The following RHBDF1 variants were observed in gnomAD, a reference collection of about 807,000 sequenced individuals.
RHBDF1 encodes the protein inactive rhomboid protein 1.
RHBDF1 carries 80 observed loss-of-function variants against 98.6 expected under a neutral mutation model. That is an observed-to-expected ratio of 0.81 (90% confidence interval 0.68 to 0.98). The LOEUF (loss-of-function observed/expected upper bound fraction) is 0.98, where lower values mean the gene tolerates loss of function less well. Among genes scored for constraint, RHBDF1 ranks in the 50% least tolerant of loss-of-function variants. The probability of loss-of-function intolerance (pLI) is 0.00; values close to 1 mark genes in which losing one functional copy is unlikely to be tolerated. For missense variants in RHBDF1, 1,116 were observed against 1,198.3 expected (o/e 0.93, Z 1.01); for synonymous variants, 512 against 486.8 (o/e 1.05, Z -0.68).
At position 58,332 on chromosome 16, in the gene RHBDF1, C is replaced by T. The variant is rs1897461207; in HGVS notation, c.*8G>A. 2 of 1,605,174 alleles carry T rather than the reference C, an allele frequency of 1.2e-6. No individual in the cohort carries two copies. Among genetic ancestry groups the T allele is most frequent in the East Asian group, 2.2e-5 (1 of 44,720 alleles). ...TGGAGCACACGGCCGCTGGAGCCCG[C>T]AGCCAGCTCAGTGGAGCTGAGCGTC... On this transcript the variant is annotated 3_prime_UTR_variant, in exon 18 of 18. Transcript: ENST00000262316.
At position 62,830 on chromosome 16, in the gene RHBDF1, A is replaced by G; in HGVS notation, c.740T>C (p.Leu247Pro). 1.9e-6 allele frequency: 3 copies of G among 1,614,058 alleles called. No homozygotes were observed. Reference protein sequence around the residue: ...QRRSFTPASFLEEDTTDFPDE... With the variant: ...QRRSFTPASFPEEDTTDFPDE... ...GGGGAAATCAGTTGTGTCCTCCTCC[A>G]GAAAGCTAGCTGGAGTGAAGCTTCG... The change falls in exon 6 of 18, where the codon CTG becomes CCG. Residue 247 changes from leucine to proline, a missense_variant. Physicochemically the swap from Leu to Pro is moderately conservative, Grantham distance 98 (BLOSUM62 -3). Coordinates refer to ENST00000262316, the MANE Select transcript of RHBDF1 (RefSeq NM_022450.5).
At chr16:61,037 G>T in intron 11 of RHBDF1, 83 bp downstream of exon 11, 1 of 1,421,384 alleles carries the variant, frequency 7.0e-7, no homozygotes, top group Non-Finnish European at 9.4e-7. Flanking sequence ...CGAGGGCGAA[G>T]GATCACTCTG....
intron 1 of RHBDF1, among the ~76,000 whole-genome samples, chr16:69,630 T>C (rs1897919392): frequency 6.6e-6 from 1 of 151,986 alleles, no homozygotes. Flanking sequence ...CTCCAGGTCT[T>C]CTGGATTAAT....
At chr16:66,410 A>C (rs1897831264) in intron 1 of RHBDF1, among the ~76,000 whole-genome samples, 1 of 152,116 alleles carries the variant, frequency 6.6e-6, no homozygotes, top group Non-Finnish European at 1.5e-5. Flanking sequence ...GGGCAGCACA[A>C]TTAGAGACAG....
Position 64,967 on chromosome 16 carries a change from G to T in RHBDF1, c.49C>A (p.Pro17Thr). ...GGAATGTCCAGCTTTAGCCAGGGTG[G>T]CTTCTTGCGCTGCAGGCTGCTCGTG... ...DSTSSLQRKK[P>T]PWLKLDIPSA... The change falls in exon 2 of 18, where the codon CCA (proline) becomes ACA (threonine). Residue 17 changes from proline to threonine, a missense_variant. Pro to Thr is a conservative substitution (Grantham distance 38, BLOSUM62 -1). Coordinates refer to ENST00000262316, the MANE Select transcript of RHBDF1 (RefSeq NM_022450.5). 6.4e-7 allele frequency: 1 copy of T among 1,559,636 alleles called. No homozygotes were observed. Among genetic ancestry groups the T allele is most frequent in the Non-Finnish European group, 8.7e-7 (1 of 1,149,740 alleles).
In RHBDF1 at chr16:70,970, C is replaced by T. The variant is rs1300928210; in HGVS notation, c.-25+1543G>A. ...CACTGGGCAAAATGTGATCCTGGCACAGACACTGAGGTGGGGGAACTGGAG... is the reference window on the plus strand; with the variant it reads ...CACTGGGCAAAATGTGATCCTGGCATAGACACTGAGGTGGGGGAACTGGAG... On this transcript the variant is annotated intron_variant, in intron 1 of 17. Coordinates refer to ENST00000262316, the MANE Select transcript of RHBDF1 (RefSeq NM_022450.5). Among the ~76,000 whole-genome samples the T allele has an allele frequency of 2.6e-5, 4 of 152,250 alleles. No individual in the cohort carries two copies. The East Asian group carries it at 7.7e-4, about 29-fold the overall frequency.
chr16:75,162 C>T (rs1398357342), upstream of RHBDF1, among the ~76,000 whole-genome samples: 1 of 152,194 alleles, frequency 6.6e-6, no homozygotes, highest in African/African-American at 2.4e-5. Flanking sequence ...CCTCTCTTCC[C>T]GCGTCATGCA....
intron 14 of RHBDF1, 35 bp downstream of exon 14, chr16:59,695 CCA>C: frequency 6.2e-7 from 1 of 1,609,662 alleles, no homozygotes; most frequent in Non-Finnish European, 8.5e-7. Context: ...TGCTCTGAGC[CCA>C]GAGACCAGCT....
At position 58,328 on chromosome 16, in the gene RHBDF1, C is replaced by A. The variant is rs1257145765; in HGVS notation, c.*12G>T. 6.2e-7 allele frequency: 1 copy of A among 1,603,430 alleles called. No homozygotes were observed. Among genetic ancestry groups the A allele is most frequent in the African/African-American group, 1.3e-5 (1 of 74,688 alleles). The stretch of plus-strand genomic sequence containing the variant: ...CTGCTGGAGCACACGGCCGCTGGAG[C>A]CCGCAGCCAGCTCAGTGGAGCTGAG... On this transcript the variant is annotated 3_prime_UTR_variant, in exon 18 of 18. Coordinates refer to ENST00000262316, the MANE Select transcript of RHBDF1 (RefSeq NM_022450.5).
At chr16:58,883 G>A in intron 17 of RHBDF1, 91 bp downstream of exon 17, 1 of 1,561,382 alleles carries the variant, frequency 6.4e-7, no homozygotes, top group East Asian at 2.2e-5. Flanking sequence ...TCCAACTGGA[G>A]ATGCTCCCAG....
chr16:73,173 G>A (rs1224944517), upstream of RHBDF1, among the ~76,000 whole-genome samples: 1 of 152,140 alleles, frequency 6.6e-6, no homozygotes, highest in African/African-American at 2.4e-5. Context: ...GCACATGCAC[G>A]TGCTCACATG....
chr16:75,570 G>A (rs184690096), upstream of RHBDF1, among the ~76,000 whole-genome samples: 3 of 152,334 alleles, frequency 2.0e-5, no homozygotes, highest in African/African-American at 4.8e-5. Context: ...GGCTATTTCT[G>A]AGGCAGCTGC....
In RHBDF1 at chr16:63,967, C is replaced by A. The variant is rs79758838; in HGVS notation, c.249-167G>T. The A allele has an allele frequency of 5.1e-3, 3,904 of 761,464 alleles. 95 individuals are homozygous for A. In the African/African-American group the frequency reaches 0.056, roughly 11 times the overall value. 47.2% of individuals were successfully genotyped at this position (761,464 alleles called of 1,614,324 possible). A position where few individuals can be genotyped will look rare whatever the true frequency, so the allele number is the denominator to read the frequency against. On this transcript the variant is annotated intron_variant, in intron 3 of 17. Transcript: ENST00000262316. ...TAAGAGGATGAGTGGGTTCCAGCCA[C>A]CCCCTGAACTGTTAGCCAACTCCAA... is the stretch of plus-strand genomic sequence containing the variant.
intron 4 of RHBDF1, 70 bp downstream of exon 4, chr16:63,517 C>A: frequency 7.5e-7 from 1 of 1,328,546 alleles, no homozygotes; most frequent in South Asian, 1.4e-5. Flanking sequence ...CTCAGGCTGG[C>A]TGTGTCCGCA....
rs748635979 is a variant in RHBDF1, at chr16:58,287, C to T, written c.*53G>A. On this transcript the variant is annotated 3_prime_UTR_variant, in exon 18 of 18. Transcript: ENST00000262316. ...GTAAGCCTGTGAGGCTCAGGGAGGTCGTGTCTGGCTCTGGCCTGCTGGAGC... is the reference window on the plus strand; with the variant it reads ...GTAAGCCTGTGAGGCTCAGGGAGGTTGTGTCTGGCTCTGGCCTGCTGGAGC... 26 of 1,556,072 alleles carry T rather than the reference C, an allele frequency of 1.7e-5. No homozygotes were observed. Among genetic ancestry groups the T allele is most frequent in the Non-Finnish European group, 2.0e-5 (23 of 1,147,722 alleles).
intron 1 of RHBDF1, among the ~76,000 whole-genome samples, chr16:69,914 C>T (rs928238466): frequency 6.6e-6 from 1 of 151,848 alleles, no homozygotes; most frequent in Non-Finnish European, 1.5e-5. Context: ...TGCTACAGGC[C>T]ATCTGTGAGG....
intron 1 of RHBDF1, among the ~76,000 whole-genome samples, chr16:72,294 G>A (rs1386139272): frequency 6.6e-6 from 1 of 152,100 alleles, no homozygotes; most frequent in Non-Finnish European, 1.5e-5. Context: ...GGGCTGGGCC[G>A]CCTCCGCGGG....
In RHBDF1 at chr16:62,004, C is replaced by T. The variant is rs371815212; in HGVS notation, c.1002G>A (p.Pro334=). 1.7e-5 allele frequency: 26 copies of T among 1,550,206 alleles called. No homozygotes were observed. Among genetic ancestry groups the T allele is most frequent in the East Asian group, 9.5e-5 (4 of 42,008 alleles). The change falls in exon 8 of 18, where the codon CCG becomes CCA. Residue 334 remains proline (P), a synonymous_variant. Transcript: ENST00000262316. ...WRKQKEGAAA[P]QPKVRLRQEV... ...CCTGTCGGAGCCGCACCTTGGGCTGCGGGGCTGCGGCGCCCTCCTTCTGCT... is the reference window on the plus strand; with the variant it reads ...CCTGTCGGAGCCGCACCTTGGGCTGTGGGGCTGCGGCGCCCTCCTTCTGCT...
chr16:61,656 C>T lies in RHBDF1; in HGVS notation c.1249G>A (p.Val417Ile). The T allele has an allele frequency of 1.9e-6, 3 of 1,613,476 alleles. No homozygotes were observed. Among genetic ancestry groups the T allele is most frequent in the Non-Finnish European group, 1.7e-6 (2 of 1,179,914 alleles). The change falls in exon 9 of 18, where the codon GTC (valine) becomes ATC (isoleucine). Residue 417 changes from valine (V) to isoleucine (I), a missense_variant. Val to Ile is a conservative substitution (Grantham distance 29, BLOSUM62 3). Transcript: ENST00000262316. Reference sequence around the variant, plus strand: ...TAGATGCACACGGCTAGGATGGTGACGAGCGAGTGCACGAAGGTAAGCCAG... The same window carrying T: ...TAGATGCACACGGCTAGGATGGTGATGAGCGAGTGCACGAAGGTAAGCCAG... ...TYWLTFVHSL[V>I]TILAVCIYGI...
Sources: gnomAD v4.1 joint callset for allele counts (sites outside exome capture counted in the v4.1 genomes callset) on GRCh38, gnomAD v4.1.1 for gene constraint, MANE v1.5 for transcripts, NCBI Gene and HGNC (gene_info 2026-07-23, HGNC 2026-07-21) for gene names.